The following ANO4 variants were observed in gnomAD, a reference collection of about 807,000 sequenced individuals.
ANO4 encodes the protein anoctamin-4.
ANO4 carries 69 observed loss-of-function variants against 141.9 expected under a neutral mutation model. The observed-to-expected ratio is 0.49, with a 90% CI of 0.40 to 0.59. The LOEUF (loss-of-function observed/expected upper bound fraction) is 0.59, where lower values mean the gene tolerates loss of function less well. ANO4 is among the 20% of genes least tolerant of loss of function. The pLI, the probability that ANO4 is intolerant of heterozygous loss-of-function variation, is 0.00. For synonymous variants in ANO4, 350 were observed against 394.3 expected (o/e 0.89, Z 1.33); for missense variants, 894 against 1,162.2 (o/e 0.77, Z 3.36).
intron 5 of ANO4, among the ~76,000 whole-genome samples, chr12:100,964,903 A>C (rs2136246093): frequency 6.6e-6 from 1 of 152,258 alleles, no homozygotes; most frequent in South Asian, 2.1e-4. Flanking sequence ...GAAGTATTAC[A>C]CGTCTATTTA....
intron 2 of ANO4, among the ~76,000 whole-genome samples, chr12:100,739,020 A>G (rs974500944): frequency 4.3e-5 from 3 of 69,694 alleles, no homozygotes; most frequent in African/African-American, 1.5e-4. Context: ...CTAAATCTTT[A>G]TATATATATA....
At chr12:100,915,252 T>C (rs2041284621) in intron 2 of ANO4, among the ~76,000 whole-genome samples, 1 of 152,200 alleles carries the variant, frequency 6.6e-6, no homozygotes. Context: ...TCCAAAAATA[T>C]TACATGTGAG....
chr12:101,090,976 A>C (rs574057891), intron 17 of ANO4, among the ~76,000 whole-genome samples: 1 of 152,304 alleles, frequency 6.6e-6, no homozygotes, highest in East Asian at 1.9e-4. Context: ...TGCTGATGTT[A>C]CAAAGCACCT....
chr12:100,769,378 T>C (rs1193276592), intron 3 of ANO4, among the ~76,000 whole-genome samples: 2 of 152,196 alleles, frequency 1.3e-5, no homozygotes, highest in African/African-American at 4.8e-5. Flanking sequence ...ATTGTTACTT[T>C]GGTGTTATGA....
chr12:100,875,552 C>T (rs2135939899), intron 1 of ANO4, among the ~76,000 whole-genome samples: 1 of 152,322 alleles, frequency 6.6e-6, no homozygotes, highest in African/African-American at 2.4e-5. Context: ...TGCCCCTAAA[C>T]TGCTTCAAAA....
intron 1 of ANO4, among the ~76,000 whole-genome samples, chr12:100,899,373 A>G (rs1565985762): frequency 6.6e-6 from 1 of 151,548 alleles, no homozygotes; most frequent in Non-Finnish European, 1.5e-5. Context: ...TAGCGTGAAA[A>G]CTCTCTTCCT....
At chr12:100,910,503 A>G (rs2041054776) in intron 2 of ANO4, among the ~76,000 whole-genome samples, 1 of 152,142 alleles carries the variant, frequency 6.6e-6, no homozygotes, top group African/African-American at 2.4e-5. Flanking sequence ...AGACACTCAT[A>G]ATTAATGAAT....
intron 1 of ANO4, among the ~76,000 whole-genome samples, chr12:100,823,963 A>G (rs566046362): frequency 6.6e-6 from 1 of 152,248 alleles, no homozygotes; most frequent in Non-Finnish European, 1.5e-5. Flanking sequence ...GTCAGCCAAT[A>G]GGAGTAAAAA....
intron 1 of ANO4, among the ~76,000 whole-genome samples, chr12:100,874,166 CA>C (rs1018814247): frequency 2.6e-5 from 4 of 152,214 alleles, no homozygotes; most frequent in African/African-American, 9.6e-5. Context: ...CAGTCTGCTG[CA>C]GGGGTGGAGT....
At chr12:101,069,028 C>A in intron 14 of ANO4, 1 of 809,252 alleles carries the variant, frequency 1.2e-6, no homozygotes, top group South Asian at 1.3e-5. Flanking sequence ...GCAAAGATGT[C>A]AAGTTGGCTA....
At chr12:100,776,349 T>C (rs79357412) in intron 3 of ANO4, among the ~76,000 whole-genome samples, 3,304 of 152,272 alleles carry the variant, frequency 0.022, 55 homozygotes, top group South Asian at 0.028. Flanking sequence ...GGGCTCTTTG[T>C]AGCTCTCCAG....
chr12:101,121,753 CTTTT>C (rs71091478), intron 26 of ANO4, among the ~76,000 whole-genome samples: 5,871 of 110,052 alleles, frequency 0.053, 184 homozygotes, highest in South Asian at 0.1. Flanking sequence ...AATTTGTTTA[CTTTT>C]TTTTTTTTTT....
intron 1 of ANO4, among the ~76,000 whole-genome samples, chr12:100,717,863 A>G (rs1446028875): frequency 2.0e-5 from 3 of 152,128 alleles, no homozygotes; most frequent in Non-Finnish European, 4.4e-5. Context: ...GTCCTCCTCT[A>G]GCGGGGTGAG....
intron 1 of ANO4, among the ~76,000 whole-genome samples, chr12:100,823,054 T>A (rs1160646618): frequency 6.6e-6 from 1 of 151,890 alleles, no homozygotes; most frequent in African/African-American, 2.4e-5. Context: ...TGAAAAAAAA[T>A]CAGATATTTA....
At chr12:100,848,217 C>T (rs1272040101) in intron 1 of ANO4, among the ~76,000 whole-genome samples, 2 of 152,050 alleles carry the variant, frequency 1.3e-5, no homozygotes, top group African/African-American at 4.8e-5. Context: ...CTGCCTTTTG[C>T]TTTCTCTGTC....
chr12:100,939,809 A>C (rs559875329), intron 4 of ANO4, among the ~76,000 whole-genome samples: 1 of 152,182 alleles, frequency 6.6e-6, no homozygotes, highest in Non-Finnish European at 1.5e-5. Context: ...CCTAAAATGC[A>C]CCAGCCTTCA....
At chr12:100,740,492 G>A (rs972120632) in intron 3 of ANO4, among the ~76,000 whole-genome samples, 1 of 152,114 alleles carries the variant, frequency 6.6e-6, no homozygotes, top group Non-Finnish European at 1.5e-5. Flanking sequence ...AATCAACTCT[G>A]AATCAGAATT....
At chr12:100,890,199 AAG>A (rs2040036670) in intron 1 of ANO4, among the ~76,000 whole-genome samples, 1 of 152,160 alleles carries the variant, frequency 6.6e-6, no homozygotes, top group Non-Finnish European at 1.5e-5. Context: ...CATTTTGTAA[AAG>A]AGGAAATTGA....
intron 1 of ANO4, among the ~76,000 whole-genome samples, chr12:100,888,926 A>G (rs1211876653): frequency 6.6e-6 from 1 of 151,888 alleles, no homozygotes; most frequent in African/African-American, 2.4e-5. Context: ...CATGTGCACA[A>G]TGTGCAGGTT....
Sources: allele counts gnomAD v4.1 joint callset (sites outside exome capture counted in the v4.1 genomes callset), GRCh38; gene constraint gnomAD v4.1.1; transcripts MANE v1.5; gene names NCBI Gene and HGNC (gene_info 2026-07-23, HGNC 2026-07-21).